C19orf47: variants seen among roughly 807,000 people sequenced by gnomAD.
C19orf47 encodes chromosome 19 open reading frame 47.
A neutral mutation model predicts 32.3 loss-of-function variants in C19orf47; 18 were observed. The ratio of observed to expected loss-of-function variants is 0.56; its 90% CI spans 0.39 to 0.83. The LOEUF is 0.83. C19orf47 is among the 40% of genes least tolerant of loss of function. The probability of loss-of-function intolerance (pLI) is 0.00; values close to 1 mark genes in which losing one functional copy is unlikely to be tolerated. For missense variants in C19orf47, 484 were observed against 531.6 expected (o/e 0.91, Z 0.88); for synonymous variants, 202 against 211.1 (o/e 0.96, Z 0.37).
the C19orf47 span, among the ~76,000 whole-genome samples, chr19:40,298,240 G>A: frequency 6.6e-6 from 1 of 151,376 alleles, no homozygotes; most frequent in African/African-American, 2.4e-5. Flanking sequence ...GGCGGAGGTT[G>A]CAGTGAGCTG....
intron 1 of C19orf47, among the ~76,000 whole-genome samples, chr19:40,344,732 C>G (rs1309063847): frequency 6.6e-6 from 1 of 152,166 alleles, no homozygotes; most frequent in East Asian, 1.9e-4. Context: ...AGCAACTGAC[C>G]TTACTGGGAT....
chr19:40,317,584 G>A (rs569513430), downstream of C19orf47, among the ~76,000 whole-genome samples: 45 of 152,186 alleles, frequency 3.0e-4, no homozygotes, highest in Admixed American at 7.9e-4. Flanking sequence ...AGGTGGAGGC[G>A]GCATCGGCTC....
At chr19:40,326,297 G>A (rs776577192) in intron 7 of C19orf47, 37 bp downstream of exon 7, 1 of 1,611,518 alleles carries the variant, frequency 6.2e-7, no homozygotes, top group South Asian at 1.1e-5. Context: ...GAGGGACATG[G>A]ACCCCGCAGG....
rs2078060340 is a variant in C19orf47, at chr19:40,336,125, T to C, written c.207A>G (p.Lys69=). The C allele has an allele frequency of 3.1e-6, 5 of 1,614,026 alleles. No individual in the cohort carries two copies. Among genetic ancestry groups the C allele is most frequent in the Admixed American group, 3.3e-5 (2 of 59,994 alleles). The change falls in exon 4 of 9, where the codon AAA becomes AAG. Residue 69 remains lysine, a synonymous_variant. Coordinates refer to ENST00000683109, the MANE Select transcript of C19orf47 (RefSeq NM_001256441.2). ...GDIIAILKHA[K]VVHRQDMCKA... ...CAGCACCCACCTGACGGTGCACCAC[T>C]TTGGCATGCTTGAGAATGGCGATGA...
At chr19:40,294,400 AAT>A in the C19orf47 span, among the ~76,000 whole-genome samples, 1 of 152,010 alleles carries the variant, frequency 6.6e-6, no homozygotes, top group Non-Finnish European at 1.5e-5. Context: ...GTTCTTGTAT[AAT>A]AACTCTGGTT....
chr19:40,315,823 T>C (rs1359367118), downstream of C19orf47, among the ~76,000 whole-genome samples: 1 of 151,280 alleles, frequency 6.6e-6, no homozygotes, highest in African/African-American at 2.4e-5. Flanking sequence ...CTGAGCATGG[T>C]GGCAGGTGCC....
At chr19:40,299,881 T>C in the C19orf47 span, among the ~76,000 whole-genome samples, 14 of 151,670 alleles carry the variant, frequency 9.2e-5, no homozygotes, top group African/African-American at 2.7e-4. Flanking sequence ...CAAAAAAAAT[T>C]AGTCAGGCGT....
At position 40,337,357 on chromosome 19, in the gene C19orf47, A is replaced by ACG. The variant is rs2078086579; in HGVS notation, c.20-951_20-950insCG. Among the ~76,000 whole-genome samples, 4 of 149,814 alleles carry ACG rather than the reference A, an allele frequency of 2.7e-5. No individual in the cohort carries two copies. In the Admixed American group the frequency reaches 2.7e-4, roughly 10 times the overall value. ...CCATCACCACTAAACATAGAGCCACAGCCAAGACCAGGCAGACCCCACCTA... is the reference window on the plus strand; with the variant it reads ...CCATCACCACTAAACATAGAGCCACACGGCCAAGACCAGGCAGACCCCACCTA... On this transcript the variant is annotated intron_variant, in intron 2 of 8. Coordinates refer to ENST00000683109, the MANE Select transcript of C19orf47 (RefSeq NM_001256441.2).
In C19orf47 at chr19:40,341,853, AC is replaced by A; in HGVS notation, c.4del (p.Val2SerfsTer3). The A allele has an allele frequency of 3.3e-6, 5 of 1,536,170 alleles. No individual in the cohort carries two copies. Among genetic ancestry groups the A allele is most frequent in the Non-Finnish European group, 4.4e-6 (5 of 1,146,914 alleles). On this transcript the variant is annotated frameshift_variant, in exon 2 of 9. Transcript: ENST00000683109. LOFTEE classifies it high-confidence loss of function. ...CACAGACTCACCCATAGTCACGGAG[AC>A]CATCGTCTCCCTGGCCCTGACACTG... is the stretch of plus-strand genomic sequence containing the variant. Reference protein sequence around the residue: MVSVTMATSEWI... With the variant: MXSVTMATSEWI...
At chr19:40,322,503 C>A in intron 8 of C19orf47, 127 bp from the exon 9 acceptor site, 2 of 1,191,764 alleles carry the variant, frequency 1.7e-6, no homozygotes, top group Non-Finnish European at 2.3e-6. Context: ...ACTGACACCC[C>A]AGATAGTGGC....
the C19orf47 span, among the ~76,000 whole-genome samples, chr19:40,300,272 C>T: frequency 6.6e-6 from 1 of 151,872 alleles, no homozygotes; most frequent in African/African-American, 2.4e-5. Context: ...CAAGACCAGC[C>T]TAGCCAACAC....
chr19:40,309,057 G>A, the C19orf47 span, among the ~76,000 whole-genome samples: 4 of 152,078 alleles, frequency 2.6e-5, no homozygotes, highest in Non-Finnish European at 5.9e-5. Context: ...GTGAGACCAC[G>A]TTTCAAATAA....
the C19orf47 span, among the ~76,000 whole-genome samples, chr19:40,300,163 C>T: frequency 1.3e-5 from 2 of 152,024 alleles, no homozygotes; most frequent in African/African-American, 4.8e-5. Flanking sequence ...TGATAAAAAA[C>T]ATTTTTTTAA....
the C19orf47 span, among the ~76,000 whole-genome samples, chr19:40,311,645 G>A: frequency 9.2e-5 from 14 of 152,160 alleles, no homozygotes; most frequent in Admixed American, 3.9e-4. Flanking sequence ...TTCAGGTGGC[G>A]GAGTCCCTCA....
the C19orf47 span, among the ~76,000 whole-genome samples, chr19:40,303,892 T>C: frequency 5.3e-5 from 8 of 150,894 alleles, no homozygotes; most frequent in African/African-American, 1.7e-4. Context: ...TATCACTGCC[T>C]GCCCCTACTC....
chr19:40,302,823 G>T, the C19orf47 span, among the ~76,000 whole-genome samples: 4 of 152,246 alleles, frequency 2.6e-5, no homozygotes, highest in African/African-American at 9.6e-5. Flanking sequence ...CTTCTGACTT[G>T]GAGTTACTGA....
At chr19:40,316,549 G>T (rs1172623893), downstream of C19orf47, among the ~76,000 whole-genome samples, 1 of 152,186 alleles carries the variant, frequency 6.6e-6, no homozygotes, top group East Asian at 1.9e-4. Flanking sequence ...TGGCACACAG[G>T]TGGTAGTCAA....
chr19:40,321,880 G>A lies in C19orf47; in HGVS notation c.*2C>T, dbSNP rs774601096. On this transcript the variant is annotated 3_prime_UTR_variant, in exon 9 of 9. Coordinates refer to ENST00000683109, the MANE Select transcript of C19orf47 (RefSeq NM_001256441.2). ...GCTGCCTGCACCCCGCCCACAGGTG[G>A]GCTAGAAGGTCCTGCGGCCCAGTCT... 7 of 1,577,558 alleles carry A rather than the reference G, an allele frequency of 4.4e-6. No homozygotes were observed. The East Asian group carries it at 1.6e-4, about 36-fold the overall frequency.
chr19:40,299,425 G>T, the C19orf47 span: 1 of 152,028 alleles, frequency 6.6e-6, no homozygotes, highest in Non-Finnish European at 1.5e-5. Context: ...TAAATTAATA[G>T]TTACCTGAGA....
Sources: allele counts gnomAD v4.1 joint callset (sites outside exome capture counted in the v4.1 genomes callset), GRCh38; gene constraint gnomAD v4.1.1; transcripts MANE v1.5; gene names NCBI Gene and HGNC (gene_info 2026-07-23, HGNC 2026-07-21).